NEURL1: variants seen among roughly 807,000 people sequenced by gnomAD.
NEURL1 encodes E3 ubiquitin-protein ligase NEURL1.
A neutral mutation model predicts 41.2 loss-of-function variants in NEURL1; 26 were observed. That is an observed-to-expected ratio of 0.63 (90% CI 0.46 to 0.87). The LOEUF is 0.87. NEURL1 is among the 40% of genes least tolerant of loss of function. The pLI, the probability that NEURL1 is intolerant of heterozygous loss-of-function variation, is 0.00. For synonymous variants in NEURL1, 400 were observed against 402.3 expected (o/e 0.99, Z 0.07); for missense variants, 761 against 871.1 (o/e 0.87, Z 1.59).
chr10:103,540,899 C>T (rs2034807658), intron 1 of NEURL1, among the ~76,000 whole-genome samples: 1 of 152,218 alleles, frequency 6.6e-6, no homozygotes, highest in Non-Finnish European at 1.5e-5. Flanking sequence ...TCATGGGCCA[C>T]ATCAGTCATT....
chr10:103,511,230 A>T (rs977687457), intron 1 of NEURL1, among the ~76,000 whole-genome samples: 1 of 152,096 alleles, frequency 6.6e-6, no homozygotes, highest in Non-Finnish European at 1.5e-5. Context: ...AAGAGGGGGA[A>T]CTTTCTCCAC....
intron 3 of NEURL1, among the ~76,000 whole-genome samples, chr10:103,576,311 G>A (rs957641592): frequency 2.0e-5 from 3 of 147,314 alleles, no homozygotes; most frequent in Non-Finnish European, 4.6e-5. Flanking sequence ...ATTTAGGTCA[G>A]ACAGGGGGGT....
chr10:103,585,284 G>A, intron 4 of NEURL1, 59 bp downstream of exon 4: 1 of 1,387,156 alleles, frequency 7.2e-7, no homozygotes, highest in Non-Finnish European at 9.5e-7. Context: ...GACGATCCGG[G>A]TAGGAGACAA....
chr10:103,526,197 C>CT (rs61029201), intron 1 of NEURL1, among the ~76,000 whole-genome samples: 68,138 of 151,622 alleles, frequency 0.45, 15,536 homozygotes, highest in East Asian at 0.57. Context: ...CTGTAGCTTT[C>CT]TTTTTTTTGT....
intron 1 of NEURL1, among the ~76,000 whole-genome samples, chr10:103,520,830 G>C (rs765423571): frequency 6.6e-6 from 1 of 152,168 alleles, no homozygotes; most frequent in African/African-American, 2.4e-5. Context: ...TCTGTGGTAA[G>C]GGGTGATATT....
chr10:103,567,480 G>C (rs1459852909), intron 1 of NEURL1, among the ~76,000 whole-genome samples: 7 of 151,844 alleles, frequency 4.6e-5, no homozygotes, highest in Admixed American at 3.3e-4. Flanking sequence ...CAGCCCCTGG[G>C]CTCAAGGATC....
intron 1 of NEURL1, among the ~76,000 whole-genome samples, chr10:103,557,656 C>T (rs556419461): frequency 3.3e-5 from 5 of 152,206 alleles, no homozygotes; most frequent in African/African-American, 1.2e-4. Flanking sequence ...ACCTCCACCC[C>T]CATCAGAACC....
chr10:103,497,201 T>C (rs926245231), intron 1 of NEURL1, among the ~76,000 whole-genome samples: 89 of 152,334 alleles, frequency 5.8e-4, no homozygotes, highest in African/African-American at 2.1e-3. Context: ...TTCCCAATTC[T>C]CTTCTAAATG....
chr10:103,568,601 G>A (rs754534557), intron 1 of NEURL1, among the ~76,000 whole-genome samples: 8 of 152,070 alleles, frequency 5.3e-5, no homozygotes, highest in Non-Finnish European at 1.0e-4. Flanking sequence ...TGTCCAATTT[G>A]ATGAGTTTTG....
chr10:103,520,001 C>T (rs547006675), intron 1 of NEURL1, among the ~76,000 whole-genome samples: 61 of 152,120 alleles, frequency 4.0e-4, no homozygotes, highest in African/African-American at 1.5e-3. Flanking sequence ...CCAGGCTGGT[C>T]TCACACTCCT....
At chr10:103,498,759 A>T (rs1302811386) in intron 1 of NEURL1, among the ~76,000 whole-genome samples, 7 of 152,186 alleles carry the variant, frequency 4.6e-5, no homozygotes, top group Admixed American at 4.6e-4. Flanking sequence ...GGACTCGCCT[A>T]TTCCAGGCGT....
At chr10:103,559,306 G>A (rs1049484073) in intron 1 of NEURL1, among the ~76,000 whole-genome samples, 1 of 152,216 alleles carries the variant, frequency 6.6e-6, no homozygotes, top group African/African-American at 2.4e-5. Context: ...TGGGCTCCAG[G>A]AAGGTGGGCA....
intron 1 of NEURL1, among the ~76,000 whole-genome samples, chr10:103,565,287 G>A (rs1226711884): frequency 6.6e-6 from 1 of 152,196 alleles, no homozygotes; most frequent in African/African-American, 2.4e-5. Flanking sequence ...CCCCAGAGGT[G>A]GCTCAGTGGG....
chr10:103,500,909 T>A (rs936678220), intron 1 of NEURL1, among the ~76,000 whole-genome samples: 1 of 152,142 alleles, frequency 6.6e-6, no homozygotes, highest in African/African-American at 2.4e-5. Context: ...CTCTGGGGCC[T>A]CAGAACAGTC....
intron 4 of NEURL1, among the ~76,000 whole-genome samples, chr10:103,587,074 G>A (rs1200163707): frequency 6.6e-6 from 1 of 151,914 alleles, no homozygotes; most frequent in Non-Finnish European, 1.5e-5. Context: ...GAGAGAGAAA[G>A]AAAGAGAAAG....
intron 3 of NEURL1, among the ~76,000 whole-genome samples, chr10:103,576,523 A>G (rs1328647404): frequency 6.6e-6 from 1 of 152,150 alleles, no homozygotes; most frequent in Non-Finnish European, 1.5e-5. Context: ...GTTCAGTAAG[A>G]GGGACTGGCT....
rs557162428 is a variant in NEURL1, at chr10:103,548,521, T to G, written c.86-22351T>G. 8.6e-5 allele frequency among the ~76,000 whole-genome samples: 13 copies of G among 151,194 alleles called. No homozygotes were observed. The South Asian group carries it at 2.7e-3, about 32-fold the overall frequency. Reference sequence around the variant, plus strand: ...TATTTTTAGTAGAGACAGGGTTTCATCATGTTGGCCAGGATGGTCTCGAAC... The same window carrying G: ...TATTTTTAGTAGAGACAGGGTTTCAGCATGTTGGCCAGGATGGTCTCGAAC... On this transcript the variant is annotated intron_variant, in intron 1 of 5. Coordinates refer to ENST00000369780, the MANE Select transcript of NEURL1 (RefSeq NM_004210.5).
chr10:103,561,402 C>T (rs2133872741), intron 1 of NEURL1, among the ~76,000 whole-genome samples: 1 of 152,228 alleles, frequency 6.6e-6, no homozygotes, highest in Non-Finnish European at 1.5e-5. Context: ...GCTGGGATTA[C>T]AGGTGCCCGC....
intron 1 of NEURL1, among the ~76,000 whole-genome samples, chr10:103,500,155 C>T (rs151154634): frequency 4.7e-4 from 71 of 152,342 alleles, no homozygotes; most frequent in African/African-American, 1.7e-3. Flanking sequence ...AGCACCCATC[C>T]TGCATGCCCT....
Sources: gnomAD v4.1 joint callset for allele counts (sites outside exome capture counted in the v4.1 genomes callset) on GRCh38, gnomAD v4.1.1 for gene constraint, MANE v1.5 for transcripts, NCBI Gene and HGNC (gene_info 2026-07-23, HGNC 2026-07-21) for gene names.